CACNA2D2: variants seen among roughly 807,000 people sequenced by gnomAD.
CACNA2D2 encodes voltage-dependent calcium channel subunit alpha-2/delta-2.
In CACNA2D2, 48 loss-of-function variants were observed where a neutral mutation model predicts 166.4. The observed-to-expected ratio is 0.29, with a 90% CI of 0.23 to 0.37. CACNA2D2 has a LOEUF of 0.37. Ranked by LOEUF, CACNA2D2 falls within the 10% of genes least tolerant of loss-of-function variation. The pLI, the probability that CACNA2D2 is intolerant of heterozygous loss-of-function variation, is 1.00. For missense variants in CACNA2D2, 1,122 were observed against 1,433.0 expected, an observed-to-expected ratio of 0.78 and a Z score of 3.50; for synonymous variants, 561 against 573.7, an observed-to-expected ratio of 0.98 and a Z score of 0.32.
chr3:50,465,107 G>T (rs1709771787), intron 2 of CACNA2D2, among the ~76,000 whole-genome samples: 1 of 152,228 alleles, frequency 6.6e-6, no homozygotes, highest in Admixed American at 6.5e-5. Context: ...GGAGGAGGAG[G>T]CCACTCCAGC....
intron 2 of CACNA2D2, among the ~76,000 whole-genome samples, chr3:50,440,052 G>C (rs1272058276): frequency 6.6e-6 from 1 of 152,224 alleles, no homozygotes; most frequent in Non-Finnish European, 1.5e-5. Flanking sequence ...CTCTACCACT[G>C]ACAGCACTTG....
At chr3:50,447,373 C>T (rs553041824) in intron 2 of CACNA2D2, among the ~76,000 whole-genome samples, 138 of 152,296 alleles carry the variant, frequency 9.1e-4, no homozygotes, top group Non-Finnish European at 1.7e-3. Flanking sequence ...CATCGTCTGT[C>T]GGCAACCTCC....
At chr3:50,401,363 C>T (rs1007443366) in intron 3 of CACNA2D2, among the ~76,000 whole-genome samples, 1 of 152,172 alleles carries the variant, frequency 6.6e-6, no homozygotes, top group Admixed American at 6.5e-5. Context: ...CCACCCAAGT[C>T]CAGGCTTGAC....
At chr3:50,447,090 C>T (rs961970679) in intron 2 of CACNA2D2, among the ~76,000 whole-genome samples, 4 of 152,278 alleles carry the variant, frequency 2.6e-5, no homozygotes, top group East Asian at 1.9e-4. Context: ...ACCTTCCCGG[C>T]AGAGGAGCAG....
intron 2 of CACNA2D2, among the ~76,000 whole-genome samples, chr3:50,468,750 C>A (rs911401325): frequency 1.3e-5 from 2 of 152,034 alleles, no homozygotes; most frequent in Admixed American, 1.3e-4. Context: ...CTTCCCCATT[C>A]CCAACGCCAA....
At chr3:50,390,297 G>C (rs1345712313) in intron 4 of CACNA2D2, among the ~76,000 whole-genome samples, 1 of 152,172 alleles carries the variant, frequency 6.6e-6, no homozygotes, top group Non-Finnish European at 1.5e-5. Flanking sequence ...CACCCGCGAG[G>C]AGGCAAGGCT....
At chr3:50,441,339 G>A (rs940272308) in intron 2 of CACNA2D2, among the ~76,000 whole-genome samples, 3 of 151,892 alleles carry the variant, frequency 2.0e-5, no homozygotes, top group Non-Finnish European at 4.4e-5. Context: ...ATCCATTACC[G>A]CAATTAGTAC....
At chr3:50,471,635 T>C (rs949899525) in intron 2 of CACNA2D2, among the ~76,000 whole-genome samples, 1 of 152,044 alleles carries the variant, frequency 6.6e-6, no homozygotes, top group African/African-American at 2.4e-5. Context: ...GTTTCAGATG[T>C]TGGTGGTGCC....
intron 3 of CACNA2D2, among the ~76,000 whole-genome samples, chr3:50,406,667 T>TC (rs987832732): frequency 6.6e-6 from 1 of 151,610 alleles, no homozygotes; most frequent in Non-Finnish European, 1.5e-5. Context: ...ACTACCTTCA[T>TC]CCCCATCACC....
At position 50,384,293 on chromosome 3, in the gene CACNA2D2, G is replaced by C; in HGVS notation, c.555C>G (p.Ser185Arg). The C allele has an allele frequency of 6.2e-7, 1 of 1,614,164 alleles. No individual in the cohort carries two copies. The highest frequency in any genetic ancestry group is 8.5e-7 in the Non-Finnish European group (1 of 1,180,010). ...CCTCGATGAAGTCCAGCCTTAGGGT[G>C]CTGGCCTTAGACCCCCTTTCCACAT... ...SEDVERGSKA[S>R]TLRLDFIEDP... Residue 185 changes from serine to arginine, a missense_variant, in exon 6 of 38, where the codon AGC becomes AGG. Coordinates refer to ENST00000424201, the MANE Select transcript of CACNA2D2 (RefSeq NM_006030.4).
chr3:50,437,867 C>G (rs1016924011), intron 2 of CACNA2D2, among the ~76,000 whole-genome samples: 2 of 152,224 alleles, frequency 1.3e-5, no homozygotes, highest in African/African-American at 4.8e-5. Flanking sequence ...TCAACCACCA[C>G]AGCAGGATGG....
intron 22 of CACNA2D2, among the ~76,000 whole-genome samples, chr3:50,371,282 G>C (rs1209166392): frequency 6.6e-6 from 1 of 152,156 alleles, no homozygotes; most frequent in Non-Finnish European, 1.5e-5. Flanking sequence ...TGCTGTTGAG[G>C]CATCCCCAGT....
intron 2 of CACNA2D2, among the ~76,000 whole-genome samples, chr3:50,447,200 AACTC>A: frequency 6.6e-6 from 1 of 152,288 alleles, no homozygotes; most frequent in Middle Eastern, 3.4e-3. Flanking sequence ...CCTCACCGGG[AACTC>A]ACTGCCTGTG....
chr3:50,412,520 G>C (rs187495655), intron 3 of CACNA2D2, among the ~76,000 whole-genome samples: 16 of 151,070 alleles, frequency 1.1e-4, no homozygotes, highest in Non-Finnish European at 2.1e-4. Flanking sequence ...CCCAGGTCTC[G>C]TGCATCCCAA....
intron 22 of CACNA2D2, among the ~76,000 whole-genome samples, chr3:50,373,519 G>A (rs1184782809): frequency 8.5e-6 from 1 of 117,664 alleles, no homozygotes; most frequent in African/African-American, 3.4e-5. Context: ...AAAGCAGGGA[G>A]GGGGAGGGAG....
At chr3:50,472,301 G>A (rs551503875) in intron 2 of CACNA2D2, among the ~76,000 whole-genome samples, 1 of 152,236 alleles carries the variant, frequency 6.6e-6, no homozygotes, top group South Asian at 2.1e-4. Flanking sequence ...GGGTCACGCC[G>A]TATGCCATTT....
intron 3 of CACNA2D2, 21 bp downstream of exon 3, chr3:50,434,292 G>A (rs1559943730): frequency 1.3e-6 from 2 of 1,562,536 alleles, no homozygotes; most frequent in Non-Finnish European, 8.8e-7. Flanking sequence ...CCGCCCCCCT[G>A]CCCCCAAAAC....
In CACNA2D2 at chr3:50,381,084, T is replaced by C; in HGVS notation, c.695A>G (p.Glu232Gly). 1 of 1,613,200 alleles carries C rather than the reference T, an allele frequency of 6.2e-7. No homozygotes were observed. The highest frequency in any genetic ancestry group is 8.5e-7 in the Non-Finnish European group (1 of 1,179,688). ...LNELNWTEALENVFMENRRQD... is the reference protein window; with the variant it reads ...LNELNWTEALGNVFMENRRQD... ...TCTGCGGTTTTCCATGAACACATTC[T>C]CCAGGGCCTCTGTCCAGTTGAGCTC... The change falls in exon 7 of 38, where the codon GAG becomes GGG. Residue 232 changes from glutamate (E) to glycine (G), a missense_variant. Around this residue, in one of 2 missense-constraint regions of CACNA2D2, gnomAD observed 840 missense variants for 1,166.8 expected, o/e 0.72. Transcript: ENST00000424201.
At chr3:50,384,414 C>A (rs1156586976) in intron 5 of CACNA2D2, 77 bp from the exon 6 acceptor site, 1 of 1,531,442 alleles carries the variant, frequency 6.5e-7, no homozygotes, top group Non-Finnish European at 8.9e-7. Context: ...CAAGTAGGGG[C>A]AGGGAGGGCC....
Sources: allele counts gnomAD v4.1 joint callset (sites outside exome capture counted in the v4.1 genomes callset), GRCh38; gene constraint gnomAD v4.1.1; regional missense constraint gnomAD v4.1.1; transcripts MANE v1.5; gene names NCBI Gene and HGNC (gene_info 2026-07-23, HGNC 2026-07-21).